ROR1: variants seen among roughly 807,000 people sequenced by gnomAD.
The protein encoded by ROR1 is ROR family WNT receptor 1.
In ROR1, 19 loss-of-function variants were observed where a neutral mutation model predicts 78.8. The ratio of observed to expected loss-of-function variants is 0.24; its 90% CI spans 0.17 to 0.35. ROR1 has a LOEUF of 0.35. Ranked by LOEUF, ROR1 falls within the 10% of genes least tolerant of loss-of-function variation. The probability of loss-of-function intolerance (pLI) is 1.00; values close to 1 mark genes in which losing one functional copy is unlikely to be tolerated. For synonymous variants in ROR1, 386 were observed against 433.6 expected, an observed-to-expected ratio of 0.89 and a Z score of 1.36; for missense variants, 917 against 1,177.8, an observed-to-expected ratio of 0.78 and a Z score of 3.24.
intron 8 of ROR1, among the ~76,000 whole-genome samples, chr1:64,169,092 C>T (rs1352713469): frequency 6.6e-6 from 1 of 152,214 alleles, no homozygotes; most frequent in African/African-American, 2.4e-5. Context: ...GGAAGCAAGT[C>T]AGCCCATAGG....
intron 1 of ROR1, among the ~76,000 whole-genome samples, chr1:63,891,046 T>G (rs1342613716): frequency 6.6e-6 from 1 of 152,186 alleles, no homozygotes; most frequent in Non-Finnish European, 1.5e-5. Context: ...CTGGGACATG[T>G]CACATGGGCT....
At chr1:63,994,440 A>C (rs1646321248) in intron 1 of ROR1, among the ~76,000 whole-genome samples, 1 of 152,214 alleles carries the variant, frequency 6.6e-6, no homozygotes, top group Non-Finnish European at 1.5e-5. Flanking sequence ...CTAGTCATAA[A>C]TGGTTAATAC....
rs116719260 is a variant in ROR1 at position 63,973,691 on chromosome 1, A to C, written c.92-35614A>C. Among the ~76,000 whole-genome samples the C allele has an allele frequency of 8.0e-3, 1,217 of 152,288 alleles. 13 individuals carry two copies. Among genetic ancestry groups the C allele is most frequent in the African/African-American group, 0.026 (1,067 of 41,564 alleles). On this transcript the variant is annotated intron_variant, in intron 1 of 8. Transcript: ENST00000371079. ...GACTTGCTGGATGTTTGTTAAAAAA[A>C]ACCCAATCCCTGAACTTCATCCCAG...
intron 4 of ROR1, among the ~76,000 whole-genome samples, chr1:64,064,984 AC>A (rs1226347539): frequency 2.6e-5 from 4 of 152,146 alleles, no homozygotes; most frequent in Admixed American, 2.6e-4. Context: ...AAATCATCAT[AC>A]CCTTGCCCTT....
chr1:64,057,131 T>G (rs1646881352), intron 4 of ROR1, among the ~76,000 whole-genome samples: 1 of 152,242 alleles, frequency 6.6e-6, no homozygotes, highest in African/African-American at 2.4e-5. Context: ...ATTTACAGTT[T>G]TAGCTCTTAC....
At chr1:64,082,251 A>G (rs1647109236) in intron 4 of ROR1, among the ~76,000 whole-genome samples, 1 of 152,242 alleles carries the variant, frequency 6.6e-6, no homozygotes, top group African/African-American at 2.4e-5. Context: ...CATATGAGAT[A>G]ATAACCTATA....
chr1:64,083,592 A>AC (rs1647122843), intron 4 of ROR1, among the ~76,000 whole-genome samples: 1 of 107,056 alleles, frequency 9.3e-6, no homozygotes. Context: ...AGAGAGAGAG[A>AC]GAGAAAAAAA....
At chr1:64,131,083 T>C (rs2762849) in intron 4 of ROR1, among the ~76,000 whole-genome samples, 84,664 of 152,032 alleles carry the variant, frequency 0.56, 24,195 homozygotes, top group East Asian at 0.86. Flanking sequence ...TTGCTATCCA[T>C]ATGACAGAAA....
chr1:63,803,830 A>G (rs570448936), intron 1 of ROR1, among the ~76,000 whole-genome samples: 5 of 152,320 alleles, frequency 3.3e-5, no homozygotes, highest in South Asian at 4.1e-4. Context: ...GGTTAAACAA[A>G]CTGTGCTACA....
At chr1:63,964,572 A>G (rs1646058445) in intron 1 of ROR1, among the ~76,000 whole-genome samples, 1 of 152,012 alleles carries the variant, frequency 6.6e-6, no homozygotes. Flanking sequence ...TCCCTTCCCC[A>G]CTCGGAGCTT....
At chr1:63,846,164 G>A (rs1315339018) in intron 1 of ROR1, among the ~76,000 whole-genome samples, 1 of 129,056 alleles carries the variant, frequency 7.7e-6, no homozygotes, top group African/African-American at 3.4e-5. Flanking sequence ...GTGTGTGTGT[G>A]TGTGTGTTTG....
intron 1 of ROR1, among the ~76,000 whole-genome samples, chr1:63,994,539 G>C (rs910877690): frequency 3.3e-5 from 5 of 152,070 alleles, no homozygotes; most frequent in African/African-American, 1.2e-4. Flanking sequence ...TGAAGCAGCA[G>C]GTCAGAAAAA....
chr1:64,178,878 G>T lies in ROR1; in HGVS notation c.*23G>T. ...TAAAATGCACAACTTTTGTAAATGT[G>T]GTATACAGGACAAACTAGACGGCCG... On this transcript the variant is annotated 3_prime_UTR_variant, in exon 9 of 9. Coordinates refer to ENST00000371079, the MANE Select transcript of ROR1 (RefSeq NM_005012.4). The surrounding 1 kb of genome is among the most constrained non-coding windows in gnomAD (Gnocchi z 4.3). 1 of 1,562,330 alleles carries T rather than the reference G, an allele frequency of 6.4e-7. No individual in the cohort carries two copies. Among genetic ancestry groups the T allele is most frequent in the South Asian group, 1.1e-5 (1 of 87,672 alleles).
chr1:63,847,079 G>T (rs1008222654), intron 1 of ROR1, among the ~76,000 whole-genome samples: 1 of 152,196 alleles, frequency 6.6e-6, no homozygotes, highest in African/African-American at 2.4e-5. Context: ...CTGACAGATG[G>T]TGACTGCCTT....
At chr1:63,820,240 A>T (rs992680141) in intron 1 of ROR1, among the ~76,000 whole-genome samples, 1 of 152,194 alleles carries the variant, frequency 6.6e-6, no homozygotes, top group African/African-American at 2.4e-5. Flanking sequence ...TCCACAGGGC[A>T]CGTCATTGGT....
intron 1 of ROR1, among the ~76,000 whole-genome samples, chr1:63,985,646 T>C (rs1281679333): frequency 6.6e-6 from 1 of 151,940 alleles, no homozygotes; most frequent in Admixed American, 6.6e-5. Flanking sequence ...TTTGGGAGGC[T>C]GAGGCAGGAG....
chr1:63,966,040 C>T (rs147690630), intron 1 of ROR1, among the ~76,000 whole-genome samples: 164 of 152,254 alleles, frequency 1.1e-3, no homozygotes, highest in Non-Finnish European at 2.1e-3. Flanking sequence ...GGATTAAATC[C>T]GATGTTAGAG....
chr1:64,020,122 C>G (rs909102965), intron 2 of ROR1, among the ~76,000 whole-genome samples: 1 of 152,016 alleles, frequency 6.6e-6, no homozygotes, highest in Non-Finnish European at 1.5e-5. Flanking sequence ...TGTGGCTCTG[C>G]TGGATTTTGT....
At chr1:64,044,970 G>T (rs925871082) in intron 2 of ROR1, among the ~76,000 whole-genome samples, 6 of 152,132 alleles carry the variant, frequency 3.9e-5, no homozygotes, top group Admixed American at 1.3e-4. Context: ...ACGTAACTCA[G>T]TAAACCAGTG....
Sources: allele counts gnomAD v4.1 joint callset (sites outside exome capture counted in the v4.1 genomes callset), GRCh38; gene constraint gnomAD v4.1.1; non-coding constraint Gnocchi (gnomAD v3.1); transcripts MANE v1.5; gene names NCBI Gene and HGNC (gene_info 2026-07-23, HGNC 2026-07-21).